Variants in CLCN5 observed in about 807,000 individuals in gnomAD.
CLCN5 encodes the protein Cl-/H+ antiporter 5.
A neutral mutation model predicts 54.0 loss-of-function variants in CLCN5; 17 were observed. The observed-to-expected ratio is 0.31, with a 90% confidence interval of 0.22 to 0.47. The LOEUF is 0.47. Among genes scored for constraint, CLCN5 ranks in the 20% least tolerant of loss-of-function variants. CLCN5 has a pLI of 1.00. For synonymous variants in CLCN5, 222 were observed against 233.0 expected (o/e 0.95, Z 0.43); for missense variants, 448 against 646.7 (o/e 0.69, Z 3.33).
chrX:49,943,546 T>C (rs1389692992), intron 3 of CLCN5, among the ~76,000 whole-genome samples: 4 of 106,643 alleles, frequency 3.8e-5, no homozygotes, highest in African/African-American at 1.4e-4. Context: ...GTCTAACATG[T>C]AAGTCTTTAA....
chrX:49,928,021 G>T (rs782293333), intron 3 of CLCN5, among the ~76,000 whole-genome samples: 1 of 112,034 alleles, frequency 8.9e-6, no homozygotes, highest in Non-Finnish European at 1.9e-5. Context: ...GGAGTTTGGG[G>T]AATGAAGAGA....
At chrX:49,982,935 A>G (rs558352318) in intron 3 of CLCN5, among the ~76,000 whole-genome samples, 1 of 112,202 alleles carries the variant, frequency 8.9e-6, no homozygotes, top group South Asian at 3.7e-4. Flanking sequence ...ATAATATCAC[A>G]TAGATTCCTT....
intron 4 of CLCN5, among the ~76,000 whole-genome samples, chrX:50,063,057 G>A (rs1310133476): frequency 4.6e-5 from 5 of 109,781 alleles, no homozygotes; most frequent in Admixed American, 3.9e-4. Flanking sequence ...GAGAAAGCAG[G>A]AAAGATCTAA....
At chrX:50,006,197 G>C (rs889718480) in intron 3 of CLCN5, among the ~76,000 whole-genome samples, 1 of 112,263 alleles carries the variant, frequency 8.9e-6, no homozygotes, top group Non-Finnish European at 1.9e-5. Context: ...ATATTTTAAA[G>C]TTACAGCCAG....
chrX:49,981,517 A>T (rs1225279682), intron 3 of CLCN5, among the ~76,000 whole-genome samples: 1 of 111,617 alleles, frequency 9.0e-6, no homozygotes, highest in Non-Finnish European at 1.9e-5. Context: ...TCATTTTTCC[A>T]TGCCTCAGCT....
At chrX:49,934,372 T>A (rs1220805696) in intron 3 of CLCN5, among the ~76,000 whole-genome samples, 3 of 111,468 alleles carry the variant, frequency 2.7e-5, no homozygotes, top group Non-Finnish European at 5.6e-5. Flanking sequence ...GTTCTGTGTG[T>A]CAAGGGTTGG....
At chrX:50,011,859 T>C (rs975890524) in intron 3 of CLCN5, among the ~76,000 whole-genome samples, 8 of 111,953 alleles carry the variant, frequency 7.1e-5, no homozygotes, top group African/African-American at 1.6e-4. Flanking sequence ...GGGCCTTCAG[T>C]CCTGTTCCCC....
At chrX:49,970,887 G>A (rs1242245165) in intron 3 of CLCN5, among the ~76,000 whole-genome samples, 4 of 111,427 alleles carry the variant, frequency 3.6e-5, no homozygotes, top group Non-Finnish European at 7.5e-5. Flanking sequence ...AGCAATGCGT[G>A]AAGGTTCCAG....
At position 50,045,337 on chromosome X, in the gene CLCN5, GCTT is replaced by G. The variant is rs1271021142; in HGVS notation, c.163+2876_163+2878del. The stretch of plus-strand genomic sequence containing the variant: ...AGAACTGTGTTAGCATATTGCTTCT[GCTT>G]ATGTGTAGTTATAACCATACTGAGT... On this transcript the variant is annotated intron_variant, in intron 4 of 14. Coordinates refer to ENST00000376091, the MANE Select transcript of CLCN5 (RefSeq NM_001127898.4). Among the ~76,000 whole-genome samples the G allele has an allele frequency of 1.3e-4, 14 of 111,796 alleles. 1 individual carries two copies. The highest frequency in any genetic ancestry group is 9.2e-3 in the Middle Eastern group (2 of 217).
At chrX:49,987,335 T>A (rs923994131) in intron 3 of CLCN5, among the ~76,000 whole-genome samples, 5 of 111,913 alleles carry the variant, frequency 4.5e-5, no homozygotes, top group Non-Finnish European at 7.5e-5. Flanking sequence ...CCCCCACCTT[T>A]AGGTCAAGAT....
At chrX:49,991,376 C>T (rs1234897750) in intron 3 of CLCN5, among the ~76,000 whole-genome samples, 1 of 111,635 alleles carries the variant, frequency 9.0e-6, no homozygotes, top group African/African-American at 3.3e-5. Flanking sequence ...CTATTCATGT[C>T]CTTAGCCCAC....
At chrX:50,089,322 GTAA>G (rs1934003302) in intron 12 of CLCN5, among the ~76,000 whole-genome samples, 1 of 111,911 alleles carries the variant, frequency 8.9e-6, no homozygotes, top group Admixed American at 9.4e-5. Flanking sequence ...ATATAAATTT[GTAA>G]TAATATGCAG....
In CLCN5 at chrX:50,097,295, G is replaced by A. The variant is rs1934291108; in HGVS notation, c.*5076G>A. ...TGGGTAAAGGTTTGAATAGATGTAG[G>A]GAACAAAATTGGTTTTTCCATGGTG... On this transcript the variant is annotated 3_prime_UTR_variant, in exon 15 of 15. Transcript: ENST00000376091. 8.9e-6 allele frequency: 1 copy of A among 112,104 alleles called. No homozygotes were observed. The highest frequency in any genetic ancestry group is 2.8e-4 in the East Asian group (1 of 3,565). The allele number at this position is 112,104 out of a possible 1,213,427, so 9.2% of individuals were successfully genotyped here. A position where few individuals can be genotyped will look rare whatever the true frequency, so the allele number is the denominator to read the frequency against.
intron 7 of CLCN5, 103 bp downstream of exon 7, chrX:50,076,085 C>G: frequency 1.3e-6 from 1 of 795,865 alleles, no homozygotes; most frequent in South Asian, 2.2e-5. Flanking sequence ...CTTTATTTTC[C>G]TTTCCACAGA....
intron 3 of CLCN5, among the ~76,000 whole-genome samples, chrX:49,991,426 TTC>T (rs1929256482): frequency 8.9e-6 from 1 of 112,101 alleles, no homozygotes; most frequent in Non-Finnish European, 1.9e-5. Context: ...TTTGTTCGAG[TTC>T]TGTGCAGATT....
chrX:50,069,903 G>A lies in CLCN5; in HGVS notation c.188G>A (p.Gly63Glu). Residue 63 changes from glycine to glutamate, a missense_variant, in exon 5 of 15, where the codon GGA (glycine) becomes GAA (glutamate). Gly to Glu is a moderately conservative substitution (Grantham distance 98). This residue lies in a region of CLCN5 where 69 missense variants were observed against 60.9 expected (regional missense o/e 1.13). Coordinates refer to ENST00000376091, the MANE Select transcript of CLCN5 (RefSeq NM_001127898.4). ...GAGGACAAGTCGTACAATGGTGGAGGAATAGGTTCTTCAAATAGGATCATG... is the reference window on the plus strand; with the variant it reads ...GAGGACAAGTCGTACAATGGTGGAGAAATAGGTTCTTCAAATAGGATCATG... ...VGEDKSYNGGGIGSSNRIMDF... is the reference protein window; with the variant it reads ...VGEDKSYNGGEIGSSNRIMDF... 1 of 1,209,170 alleles carries A rather than the reference G, an allele frequency of 8.3e-7. No homozygotes were observed. Among genetic ancestry groups the A allele is most frequent in the South Asian group, 1.8e-5 (1 of 56,518 alleles).
chrX:50,046,391 A>G (rs1932393533), intron 4 of CLCN5, among the ~76,000 whole-genome samples: 1 of 111,894 alleles, frequency 8.9e-6, no homozygotes, highest in Non-Finnish European at 1.9e-5. Context: ...CTTTCTACCT[A>G]GTGTGCCTTG....
intron 3 of CLCN5, among the ~76,000 whole-genome samples, chrX:49,999,164 T>C (rs782523848): frequency 9.0e-6 from 1 of 110,987 alleles, no homozygotes; most frequent in Non-Finnish European, 1.9e-5. Context: ...ATGAGGCTCC[T>C]GATCACCCCA....
intron 4 of CLCN5, among the ~76,000 whole-genome samples, chrX:50,063,089 A>G (rs1932888475): frequency 1.9e-5 from 2 of 107,648 alleles, no homozygotes; most frequent in Admixed American, 2.0e-4. Context: ...TAACATCACA[A>G]TTAAAAGAAC....
Sources: gnomAD v4.1 joint callset for allele counts (sites outside exome capture counted in the v4.1 genomes callset) on GRCh38, gnomAD v4.1.1 for gene constraint, gnomAD v4.1.1 regional missense constraint, MANE v1.5 for transcripts, NCBI Gene and HGNC (gene_info 2026-07-23, HGNC 2026-07-21) for gene names.